STARD13: variants seen among roughly 807,000 people sequenced by gnomAD.
The protein encoded by STARD13 is StAR related lipid transfer domain containing 13.
STARD13 carries 62 observed loss-of-function variants against 106.4 expected under a neutral mutation model. That is an observed-to-expected ratio of 0.58 (90% CI 0.48 to 0.72). The LOEUF is 0.72. Ranked by LOEUF, STARD13 falls within the 30% of genes least tolerant of loss-of-function variation. STARD13 has a pLI of 0.00. For missense variants in STARD13, 1,387 were observed against 1,424.0 expected (o/e 0.97, Z 0.42); for synonymous variants, 565 against 553.0 (o/e 1.02, Z -0.31).
chr13:33,161,890 A>G (rs570889227), intron 3 of STARD13, among the ~76,000 whole-genome samples: 1 of 152,298 alleles, frequency 6.6e-6, no homozygotes, highest in East Asian at 1.9e-4. Context: ...GGAAGATGCA[A>G]AAGCGGAAAC....
At chr13:33,461,165 A>T in the STARD13 span, among the ~76,000 whole-genome samples, 13 of 152,194 alleles carry the variant, frequency 8.5e-5, no homozygotes, top group Non-Finnish European at 1.5e-4. Context: ...TAGCTATGTG[A>T]TGGTGTCCTG....
At chr13:33,555,393 T>G in the STARD13 span, among the ~76,000 whole-genome samples, 4 of 152,262 alleles carry the variant, frequency 2.6e-5, no homozygotes, top group African/African-American at 9.6e-5. Context: ...TCCAACTGTC[T>G]GCATTAACTT....
At chr13:33,307,350 AC>A (rs1440298931) in intron 1 of STARD13, among the ~76,000 whole-genome samples, 2 of 152,236 alleles carry the variant, frequency 1.3e-5, no homozygotes, top group African/African-American at 4.8e-5. Context: ...TTATAAAGAT[AC>A]ATGCATGTGT....
At chr13:33,583,604 C>T in the STARD13 span, among the ~76,000 whole-genome samples, 4 of 152,096 alleles carry the variant, frequency 2.6e-5, no homozygotes, top group Admixed American at 2.6e-4. Flanking sequence ...TACCTTGGTC[C>T]ACTTCCTTAT....
At chr13:33,316,507 T>G (rs1350864685) in intron 1 of STARD13, among the ~76,000 whole-genome samples, 1 of 152,206 alleles carries the variant, frequency 6.6e-6, no homozygotes, top group African/African-American at 2.4e-5. Flanking sequence ...TCTATAATCT[T>G]CATGGCAATG....
At chr13:33,459,023 G>A in the STARD13 span, among the ~76,000 whole-genome samples, 32 of 151,964 alleles carry the variant, frequency 2.1e-4, no homozygotes, top group South Asian at 1.2e-3. Context: ...GATTACAGGC[G>A]TGGGCACCTG....
the STARD13 span, among the ~76,000 whole-genome samples, chr13:33,651,926 C>G: frequency 1.3e-3 from 191 of 152,300 alleles, no homozygotes; most frequent in Non-Finnish European, 2.1e-3. Flanking sequence ...CATCCTGGAC[C>G]CTTCAGGCCA....
chr13:33,476,604 C>T, the STARD13 span, among the ~76,000 whole-genome samples: 1 of 152,156 alleles, frequency 6.6e-6, no homozygotes, highest in Non-Finnish European at 1.5e-5. Context: ...ATAAGTTTGG[C>T]ATAGGACCTC....
chr13:33,230,070 C>G (rs994657436), intron 1 of STARD13, among the ~76,000 whole-genome samples: 3 of 152,134 alleles, frequency 2.0e-5, no homozygotes, highest in African/African-American at 7.2e-5. Flanking sequence ...CATTATGAGG[C>G]CTGGAAGCGA....
the STARD13 span, among the ~76,000 whole-genome samples, chr13:33,467,608 C>G: frequency 1.2e-4 from 19 of 152,096 alleles, no homozygotes; most frequent in Non-Finnish European, 2.1e-4. Flanking sequence ...TTCCAGGTTG[C>G]CTGTCTTTGG....
At chr13:33,173,605 T>C (rs1017066974) in intron 1 of STARD13, among the ~76,000 whole-genome samples, 2 of 152,220 alleles carry the variant, frequency 1.3e-5, no homozygotes, top group African/African-American at 4.8e-5. Context: ...CTTAATTGTA[T>C]ACCAAATATA....
intron 1 of STARD13, among the ~76,000 whole-genome samples, chr13:33,231,068 A>C (rs1443844452): frequency 6.6e-6 from 1 of 152,244 alleles, no homozygotes; most frequent in Non-Finnish European, 1.5e-5. Flanking sequence ...CTACCATCCC[A>C]GTTTTAAAAC....
At position 33,319,268 on chromosome 13, in the gene STARD13, T is replaced by C. The variant is rs144375807; in HGVS notation, c.124+31022A>G. ...ACAATATGGATGGACCTTGAAAACA[T>C]GCTAAGTGAAAGATGCCAGACACCA... On this transcript the variant is annotated intron_variant, in intron 1 of 5. Coordinates refer to the STARD13 transcript ENST00000567873. Among the ~76,000 whole-genome samples the C allele has an allele frequency of 5.0e-4, 76 of 152,278 alleles. No individual in the cohort carries two copies. The East Asian group carries it at 9.8e-3, about 20-fold the overall frequency.
At chr13:33,148,863 A>G (rs546939991) in intron 3 of STARD13, among the ~76,000 whole-genome samples, 30 of 152,330 alleles carry the variant, frequency 2.0e-4, no homozygotes, top group African/African-American at 5.5e-4. Context: ...TGGGCAATAG[A>G]ATGTTATTCA....
intron 1 of STARD13, among the ~76,000 whole-genome samples, chr13:33,192,830 A>G (rs189553702): frequency 2.0e-5 from 3 of 152,216 alleles, no homozygotes; most frequent in African/African-American, 7.2e-5. Flanking sequence ...CCCAGGAGGC[A>G]GAGGTTGCAG....
the STARD13 span, among the ~76,000 whole-genome samples, chr13:33,473,421 A>G: frequency 2.0e-5 from 3 of 152,236 alleles, no homozygotes; most frequent in Non-Finnish European, 4.4e-5. Context: ...AACACCAGAA[A>G]TTTGGTATAT....
chr13:33,335,524 C>G (rs933441435), intron 1 of STARD13, among the ~76,000 whole-genome samples: 4 of 152,250 alleles, frequency 2.6e-5, no homozygotes, highest in Non-Finnish European at 4.4e-5. Flanking sequence ...GCTGCTCTCT[C>G]AAACCTACAT....
intron 1 of STARD13, among the ~76,000 whole-genome samples, chr13:33,264,835 CAG>C (rs983574271): frequency 3.9e-5 from 6 of 152,150 alleles, no homozygotes; most frequent in Non-Finnish European, 7.3e-5. Flanking sequence ...ACCTGCCAAG[CAG>C]AGAGTCTTTG....
intron 7 of STARD13, among the ~76,000 whole-genome samples, chr13:33,121,837 G>A (rs558763030): frequency 2.1e-5 from 3 of 139,540 alleles, no homozygotes; most frequent in South Asian, 4.5e-4. Context: ...GCACCACCAC[G>A]CCCAGCTAAT....
Sources: allele counts gnomAD v4.1 joint callset (sites outside exome capture counted in the v4.1 genomes callset), GRCh38; gene constraint gnomAD v4.1.1; transcripts MANE v1.5; gene names NCBI Gene and HGNC (gene_info 2026-07-23, HGNC 2026-07-21).